MS4A5: variants seen among roughly 807,000 people sequenced by gnomAD.
The protein encoded by MS4A5 is membrane-spanning 4-domains subfamily A member 5.
A neutral mutation model predicts 18.2 loss-of-function variants in MS4A5; 15 were observed. The ratio of observed to expected loss-of-function variants is 0.83; its 90% CI spans 0.55 to 1.27. MS4A5 has a LOEUF of 1.27. Ranked by LOEUF, MS4A5 falls within the 50% of genes most tolerant of loss-of-function variation. MS4A5 has a pLI of 0.00. For synonymous variants in MS4A5, 89 were observed against 78.7 expected (o/e 1.13, Z -0.69); for missense variants, 232 against 225.7 (o/e 1.03, Z -0.18).
intron 4 of MS4A5, chr11:60,435,472 G>C (rs554016021): frequency 2.0e-4 from 84 of 415,612 alleles, no homozygotes; most frequent in Non-Finnish European, 3.5e-4. Context: ...AGCTCCCAGC[G>C]TGAGAGACGC....
intron 3 of MS4A5, 99 bp from the exon 4 acceptor site, chr11:60,433,666 C>T (rs1014598200): frequency 5.1e-6 from 6 of 1,187,430 alleles, no homozygotes; most frequent in Admixed American, 1.9e-5. Flanking sequence ...CATTAAGATG[C>T]TGTGACTAAA....
Position 60,430,845 on chromosome 11 carries a change from TC to T in MS4A5, c.205del (p.Leu69PhefsTer5). The T allele has an allele frequency of 6.2e-7, 1 of 1,613,538 alleles. No homozygotes were observed. The highest frequency in any genetic ancestry group is 8.5e-7 in the Non-Finnish European group (1 of 1,179,854). On this transcript the variant is annotated frameshift_variant, in exon 2 of 5. Transcript: ENST00000300190. LOFTEE classifies it high-confidence loss of function. ...ATGACCTTTTCTTTTGGAGTTATCT[TC>T]CTTTTCACCTTGTTAAAACCATATC... ...GIMTFSFGVIFLFTLLKPYPR... is the reference protein window; with the variant it reads ...GIMTFSFGVIXLFTLLKPYPR...
chr11:60,440,007 A>G (rs11230322), intron 4 of MS4A5, among the ~76,000 whole-genome samples: 40,255 of 144,808 alleles, frequency 0.28, 5,825 homozygotes, highest in Non-Finnish European at 0.31. Flanking sequence ...GAGGCATCAC[A>G]CTACCTGACT....
chr11:60,431,438 A>G (rs1044775323), intron 2 of MS4A5, among the ~76,000 whole-genome samples: 2 of 152,218 alleles, frequency 1.3e-5, no homozygotes, highest in East Asian at 3.8e-4. Context: ...GTCACAATCA[A>G]TAAACATTAA....
At chr11:60,438,521 T>C (rs1339299771) in intron 4 of MS4A5, among the ~76,000 whole-genome samples, 38 of 151,986 alleles carry the variant, frequency 2.5e-4, no homozygotes, top group African/African-American at 5.5e-4. Flanking sequence ...ATTGATAGAC[T>C]GCTAGCAAGA....
At chr11:60,435,058 A>T (rs2086071037) in intron 4 of MS4A5, among the ~76,000 whole-genome samples, 2 of 152,232 alleles carry the variant, frequency 1.3e-5, no homozygotes, top group Non-Finnish European at 2.9e-5. Flanking sequence ...AAACCCCTTG[A>T]CAACCTCCTT....
At chr11:60,432,715 G>A (rs919877250) in intron 3 of MS4A5, among the ~76,000 whole-genome samples, 3 of 150,960 alleles carry the variant, frequency 2.0e-5, no homozygotes, top group South Asian at 2.1e-4. Context: ...TACCTGGGAG[G>A]TGGAGGTTGC....
chr11:60,431,894 T>C (rs571893163), intron 2 of MS4A5, among the ~76,000 whole-genome samples: 3 of 152,302 alleles, frequency 2.0e-5, no homozygotes, highest in Non-Finnish European at 4.4e-5. Flanking sequence ...AATTTAAACA[T>C]GGAAGTGCTG....
At chr11:60,442,385 C>A (rs1458647713) in intron 4 of MS4A5, among the ~76,000 whole-genome samples, 1 of 152,158 alleles carries the variant, frequency 6.6e-6, no homozygotes, top group Non-Finnish European at 1.5e-5. Context: ...CAAACTAAGA[C>A]AGGAACAGAA....
chr11:60,437,922 C>A (rs2086089825), intron 4 of MS4A5, among the ~76,000 whole-genome samples: 1 of 152,000 alleles, frequency 6.6e-6, no homozygotes, highest in Non-Finnish European at 1.5e-5. Flanking sequence ...ACCAAGCAGA[C>A]CTAATAGACA....
intron 1 of MS4A5, among the ~76,000 whole-genome samples, chr11:60,430,258 GAAAA>G (rs56029330): frequency 6.7e-6 from 1 of 148,468 alleles, no homozygotes; most frequent in Non-Finnish European, 1.5e-5. Context: ...GAGAGGGAGA[GAAAA>G]AAAAAAAAAA....
At chr11:60,439,282 A>G (rs1342604509) in intron 4 of MS4A5, among the ~76,000 whole-genome samples, 1 of 111,734 alleles carries the variant, frequency 8.9e-6, no homozygotes, top group Non-Finnish European at 1.8e-5. Context: ...TTTCAAAATA[A>G]TAAGAGCTAT....
intron 3 of MS4A5, among the ~76,000 whole-genome samples, chr11:60,433,160 A>C (rs2086060403): frequency 6.6e-6 from 1 of 152,212 alleles, no homozygotes. Flanking sequence ...AGGCACTTTG[A>C]CAGGCACTAC....
At chr11:60,445,774 T>C (rs2086135457) in intron 4 of MS4A5, among the ~76,000 whole-genome samples, 1 of 152,182 alleles carries the variant, frequency 6.6e-6, no homozygotes. Context: ...AATGCTCCAA[T>C]TCACTAATAG....
At chr11:60,431,887 T>G (rs1227775493) in intron 2 of MS4A5, among the ~76,000 whole-genome samples, 3 of 152,056 alleles carry the variant, frequency 2.0e-5, no homozygotes, top group Non-Finnish European at 4.4e-5. Context: ...GGCTGGAAAT[T>G]TAAACATGGA....
Position 60,436,083 on chromosome 11 carries a change from C to T in MS4A5, c.492+2166C>T, listed in dbSNP as rs368961136. 9.5e-3 allele frequency among the ~76,000 whole-genome samples: 1,448 copies of T among 152,202 alleles called. 17 individuals carry two copies. Among genetic ancestry groups the T allele is most frequent in the African/African-American group, 0.028 (1,161 of 41,544 alleles). On this transcript the variant is annotated intron_variant, in intron 4 of 4. Coordinates refer to ENST00000300190, the MANE Select transcript of MS4A5 (RefSeq NM_023945.3). The stretch of plus-strand genomic sequence containing the variant: ...GTTCTCCCAGCTGGAGATCTGAGAA[C>T]GGGCAGACTGCCTCCTCAAGTGGGT...
chr11:60,440,006 C>T (rs11230321), intron 4 of MS4A5, among the ~76,000 whole-genome samples: 113 of 145,184 alleles, frequency 7.8e-4, no homozygotes, highest in African/African-American at 2.7e-3. Context: ...GGAGGCATCA[C>T]ACTACCTGAC....
chr11:60,447,189 C>CCTATG (rs1361141270), intron 4 of MS4A5, among the ~76,000 whole-genome samples: 2 of 146,622 alleles, frequency 1.4e-5, no homozygotes, highest in Non-Finnish European at 1.5e-5. Context: ...GCTATGCTAT[C>CCTATG]CTATGCTATG....
chr11:60,441,844 C>T (rs118147923), intron 4 of MS4A5, among the ~76,000 whole-genome samples: 2,781 of 152,014 alleles, frequency 0.018, 40 homozygotes, highest in Non-Finnish European at 0.028. Flanking sequence ...ACACTAGTAA[C>T]AAACAAATAG....
Sources: gnomAD v4.1 joint callset for allele counts (sites outside exome capture counted in the v4.1 genomes callset) on GRCh38, gnomAD v4.1.1 for gene constraint, MANE v1.5 for transcripts, NCBI Gene and HGNC (gene_info 2026-07-23, HGNC 2026-07-21) for gene names.